Variants in SPATA13 observed in about 807,000 individuals in gnomAD.
SPATA13 encodes the protein spermatogenesis-associated protein 13.
SPATA13 carries 50 observed loss-of-function variants against 104.0 expected under a neutral mutation model. The observed-to-expected ratio is 0.48, with a 90% CI of 0.38 to 0.61. The LOEUF (loss-of-function observed/expected upper bound fraction) is 0.61, where lower values mean the gene tolerates loss of function less well. SPATA13 is among the 20% of genes least tolerant of loss of function. SPATA13 has a pLI of 0.00. For missense variants in SPATA13, 1,524 were observed against 1,690.6 expected (o/e 0.90, Z 1.73); for synonymous variants, 606 against 667.5 (o/e 0.91, Z 1.42).
intron 3 of SPATA13, among the ~76,000 whole-genome samples, chr13:24,139,309 C>T (rs952205528): frequency 1.3e-5 from 2 of 152,178 alleles, no homozygotes; most frequent in East Asian, 3.9e-4. Context: ...CTGCAGGGAC[C>T]CATTTCCAAA....
rs1369900142 is a variant in SPATA13, at chr13:24,088,137, C to T, written c.-112+70436C>T. Among the ~76,000 whole-genome samples the T allele has an allele frequency of 2.0e-5, 3 of 152,164 alleles. No homozygotes were observed. The highest frequency in any genetic ancestry group is 2.1e-4 in the South Asian group (1 of 4,826). On this transcript the variant is annotated intron_variant, in intron 3 of 14. Coordinates refer to the SPATA13 transcript ENST00000424834. The surrounding 1 kb of genome is among the most constrained non-coding windows in gnomAD (Gnocchi z 4.3). ...GGACTTGTGGTCCTCACTCATTAAA[C>T]GATGGTGGACTGTCATATGAAAACT... is the stretch of plus-strand genomic sequence containing the variant.
At chr13:24,194,912 A>G (rs554825233) in intron 1 of SPATA13, among the ~76,000 whole-genome samples, 1 of 152,346 alleles carries the variant, frequency 6.6e-6, no homozygotes, top group African/African-American at 2.4e-5. Context: ...AATTATGACT[A>G]AATTCATGGG....
At chr13:24,207,158 G>A (rs931583682) in intron 1 of SPATA13, among the ~76,000 whole-genome samples, 15 of 152,208 alleles carry the variant, frequency 9.9e-5, no homozygotes, top group Admixed American at 2.6e-4. Context: ...GTAAGTGGGA[G>A]CTGAATGATG....
chr13:24,212,586 C>G (rs1370530620), intron 1 of SPATA13, among the ~76,000 whole-genome samples: 2 of 151,982 alleles, frequency 1.3e-5, no homozygotes, highest in African/African-American at 4.8e-5. Context: ...TTCTGACATT[C>G]TAATCGGAAA....
chr13:24,047,246 A>G (rs1441230829), intron 3 of SPATA13, among the ~76,000 whole-genome samples: 1 of 152,234 alleles, frequency 6.6e-6, no homozygotes, highest in Non-Finnish European at 1.5e-5. Context: ...AGTGTTATCT[A>G]TAGGAACAAT....
At chr13:24,190,042 T>A (rs182417463) in intron 1 of SPATA13, among the ~76,000 whole-genome samples, 4 of 7,316 alleles carry the variant, frequency 5.5e-4, no homozygotes, top group Admixed American at 6.5e-3. Context: ...CAATATATAT[T>A]ATTATATAAC....
In SPATA13 at chr13:24,223,092, A is replaced by G. The variant is rs1593434272; in HGVS notation, c.163A>G (p.Ser55Gly). The G allele has an allele frequency of 6.4e-7, 1 of 1,551,594 alleles. No individual in the cohort carries two copies. Among genetic ancestry groups the G allele is most frequent in the Non-Finnish European group, 8.7e-7 (1 of 1,147,010 alleles). The change falls in exon 2 of 13, where the codon AGC (serine) becomes GGC (glycine). Residue 55 changes from serine to glycine, a missense_variant. Physicochemically the swap from Ser to Gly is moderately conservative, Grantham distance 56. Coordinates refer to ENST00000382108, the MANE Select transcript of SPATA13 (RefSeq NM_001166271.3). ...GTGTGGAAATGGAGTCTGTGGCTGC[A>G]GCCCTGGTGGCGACACGGACACCCA... Reference protein sequence around the residue: ...LACGNGVCGCSPGGDTDTQEA... With the variant: ...LACGNGVCGCGPGGDTDTQEA...
chr13:24,001,127 T>C (rs950796039), intron 2 of SPATA13, among the ~76,000 whole-genome samples: 2 of 152,146 alleles, frequency 1.3e-5, no homozygotes, highest in Admixed American at 1.3e-4. Context: ...CCTCTTCTAC[T>C]CTCACCCCCT....
intron 3 of SPATA13, among the ~76,000 whole-genome samples, chr13:24,108,875 C>T (rs1237101970): frequency 6.6e-6 from 1 of 152,172 alleles, no homozygotes; most frequent in African/African-American, 2.4e-5. Flanking sequence ...CCTAGTAACA[C>T]ATTTGTATTT....
chr13:24,266,846 C>T lies in SPATA13; in HGVS notation c.2164+14984C>T, dbSNP rs149863394. On this transcript the variant is annotated intron_variant, in intron 4 of 12. Coordinates refer to ENST00000382108, the MANE Select transcript of SPATA13 (RefSeq NM_001166271.3). Reference sequence around the variant, plus strand: ...TCCCTCTGTCACCCAGGCTGGTGTGCAGTGGTACAATCTCAGCTCTCCGCA... The same window carrying T: ...TCCCTCTGTCACCCAGGCTGGTGTGTAGTGGTACAATCTCAGCTCTCCGCA... Among the ~76,000 whole-genome samples the T allele has an allele frequency of 5.9e-4, 89 of 151,488 alleles. No homozygotes were observed. In the East Asian group the frequency reaches 9.2e-3, roughly 16 times the overall value.
chr13:24,234,386 T>G (rs1193690686), intron 2 of SPATA13, among the ~76,000 whole-genome samples: 1 of 152,218 alleles, frequency 6.6e-6, no homozygotes, highest in Non-Finnish European at 1.5e-5. Context: ...TTTAGCTTGA[T>G]GACTAAGAAA....
intron 1 of SPATA13, among the ~76,000 whole-genome samples, chr13:24,189,295 C>A (rs1202140520): frequency 3.3e-5 from 5 of 151,616 alleles, no homozygotes; most frequent in Non-Finnish European, 7.4e-5. Flanking sequence ...CACAGTGAAA[C>A]CCCGTCTCTA....
intron 3 of SPATA13, among the ~76,000 whole-genome samples, chr13:24,132,660 T>C (rs924915966): frequency 1.3e-5 from 2 of 152,174 alleles, no homozygotes; most frequent in Admixed American, 1.3e-4. Context: ...TAAGAAAATG[T>C]GGTGTTTGGA....
At position 24,221,831 on chromosome 13, in the gene SPATA13, C is replaced by T. The variant is rs562465440; in HGVS notation, c.-111-988C>T. On this transcript the variant is annotated intron_variant, in intron 1 of 12. Transcript: ENST00000382108. ...ATTTTTTTTTTTTTTTTTTTTGAGA[C>T]GGAGTCTCACTCACTCTGTCGCCCA... 8.1e-4 allele frequency among the ~76,000 whole-genome samples: 105 copies of T among 129,310 alleles called. 2 individuals are homozygous for T. The highest frequency in any genetic ancestry group is 2.9e-3 in the African/African-American group (98 of 34,292). The allele number at this position is 129,310 out of a possible 152,430, so 84.8% of individuals were successfully genotyped here. A position where few individuals can be genotyped will look rare whatever the true frequency, so the allele number is the denominator to read the frequency against.
At chr13:24,244,087 A>T (rs1872987517) in intron 2 of SPATA13, among the ~76,000 whole-genome samples, 1 of 152,192 alleles carries the variant, frequency 6.6e-6, no homozygotes, top group Non-Finnish European at 1.5e-5. Context: ...TCCAGCTTGC[A>T]GTGGCAACTG....
intron 2 of SPATA13, among the ~76,000 whole-genome samples, chr13:24,238,259 C>T (rs1309107246): frequency 2.0e-5 from 3 of 150,314 alleles, no homozygotes; most frequent in South Asian, 2.1e-4. Flanking sequence ...CGGGTTCAAG[C>T]GATTCTTGTG....
intron 1 of SPATA13, among the ~76,000 whole-genome samples, chr13:24,206,022 A>G (rs1279714522): frequency 6.6e-6 from 1 of 152,220 alleles, no homozygotes; most frequent in African/African-American, 2.4e-5. Flanking sequence ...GAATGAGCAA[A>G]GATTTCATGG....
intron 3 of SPATA13, among the ~76,000 whole-genome samples, chr13:24,107,585 G>A (rs1880494662): frequency 6.6e-6 from 1 of 152,122 alleles, no homozygotes; most frequent in Non-Finnish European, 1.5e-5. Context: ...GTACCTCCAT[G>A]CCAACTCTTA....
At chr13:24,195,632 A>G (rs1031979480) in intron 1 of SPATA13, among the ~76,000 whole-genome samples, 32 of 152,216 alleles carry the variant, frequency 2.1e-4, no homozygotes, top group Admixed American at 2.6e-4. Flanking sequence ...ATAATATTAT[A>G]TAAGACTCTT....
Sources: allele counts gnomAD v4.1 joint callset (sites outside exome capture counted in the v4.1 genomes callset), GRCh38; gene constraint gnomAD v4.1.1; non-coding constraint Gnocchi (gnomAD v3.1); transcripts MANE v1.5; gene names NCBI Gene and HGNC (gene_info 2026-07-23, HGNC 2026-07-21).